The following ANKS1B variants were observed in gnomAD, a reference collection of about 807,000 sequenced individuals.
The protein encoded by ANKS1B is ankyrin repeat and sterile alpha motif domain containing 1B, also known as ankyrin repeat and sterile alpha motif domain-containing protein 1B.
In ANKS1B, 36 loss-of-function variants were observed where a neutral mutation model predicts 148.3. The ratio of observed to expected loss-of-function variants is 0.24; its 90% CI spans 0.19 to 0.32. The LOEUF (loss-of-function observed/expected upper bound fraction) is 0.32. Among genes scored for constraint, ANKS1B ranks in the 10% least tolerant of loss-of-function variants. The probability of loss-of-function intolerance (pLI) is 1.00; values close to 1 mark genes in which losing one functional copy is unlikely to be tolerated. For synonymous variants in ANKS1B, 542 were observed against 560.8 expected, an observed-to-expected ratio of 0.97 and a Z score of 0.47; for missense variants, 1,157 against 1,542.6, an observed-to-expected ratio of 0.75 and a Z score of 4.19.
At chr12:99,230,831 AATCT>A (rs2086718438) in intron 14 of ANKS1B, among the ~76,000 whole-genome samples, 1 of 152,136 alleles carries the variant, frequency 6.6e-6, no homozygotes, top group Non-Finnish European at 1.5e-5. Flanking sequence ...CCTTAGATTT[AATCT>A]ATCTGAAAAA....
chr12:99,144,424 T>C (rs1229686791), intron 15 of ANKS1B, among the ~76,000 whole-genome samples: 1 of 152,088 alleles, frequency 6.6e-6, no homozygotes, highest in Non-Finnish European at 1.5e-5. Context: ...GAATTCATCA[T>C]TGATGAAAGA....
At chr12:99,047,808 A>G (rs1169121532) in intron 17 of ANKS1B, among the ~76,000 whole-genome samples, 1 of 152,184 alleles carries the variant, frequency 6.6e-6, no homozygotes, top group Admixed American at 6.5e-5. Context: ...CTCACACTAT[A>G]GAATAATGTC....
intron 12 of ANKS1B, among the ~76,000 whole-genome samples, chr12:99,286,076 G>A (rs2079082938): frequency 6.6e-6 from 1 of 151,562 alleles, no homozygotes. Flanking sequence ...CCAACCACAG[G>A]GGCAAGGGAA....
chr12:98,984,837 C>T (rs1210528551), intron 17 of ANKS1B, among the ~76,000 whole-genome samples: 1 of 151,944 alleles, frequency 6.6e-6, no homozygotes, highest in Non-Finnish European at 1.5e-5. Flanking sequence ...TAGTGAGACC[C>T]CAACACTGCA....
intron 15 of ANKS1B, among the ~76,000 whole-genome samples, chr12:99,128,247 G>T (rs2064997354): frequency 6.6e-6 from 1 of 152,028 alleles, no homozygotes; most frequent in African/African-American, 2.4e-5. Context: ...ATGAAAACTG[G>T]TTAAAAACTA....
At chr12:99,550,623 C>CA (rs34087621) in intron 9 of ANKS1B, among the ~76,000 whole-genome samples, 50,230 of 133,952 alleles carry the variant, frequency 0.37, 10,890 homozygotes, top group African/African-American at 0.65. Context: ...AACTCTATCT[C>CA]AAAAAAAAAA....
At chr12:99,123,937 C>A (rs2063603404) in intron 15 of ANKS1B, among the ~76,000 whole-genome samples, 1 of 152,102 alleles carries the variant, frequency 6.6e-6, no homozygotes, top group South Asian at 2.1e-4. Flanking sequence ...AGTTGACACT[C>A]AATTGTAACC....
intron 17 of ANKS1B, among the ~76,000 whole-genome samples, chr12:99,041,564 G>C (rs2099958981): frequency 6.6e-6 from 1 of 152,052 alleles, no homozygotes; most frequent in Admixed American, 6.6e-5. Context: ...ACCCTATCCA[G>C]GTCATTTTTT....
At chr12:99,469,767 T>C (rs1398641714) in intron 10 of ANKS1B, among the ~76,000 whole-genome samples, 1 of 152,162 alleles carries the variant, frequency 6.6e-6, no homozygotes, top group Non-Finnish European at 1.5e-5. Flanking sequence ...TTTAAATGAT[T>C]AAATTGTTTG....
intron 12 of ANKS1B, among the ~76,000 whole-genome samples, chr12:99,266,665 T>G (rs1166089582): frequency 2.0e-5 from 3 of 152,182 alleles, no homozygotes; most frequent in Non-Finnish European, 4.4e-5. Context: ...AGTGGGTTAT[T>G]TAATTTATTT....
chr12:98,848,427 GTAAT>G (rs1401567089), intron 17 of ANKS1B, among the ~76,000 whole-genome samples: 2 of 152,040 alleles, frequency 1.3e-5, no homozygotes, highest in South Asian at 2.1e-4. Context: ...CATGAAATGT[GTAAT>G]TAATGATGAA....
chr12:99,739,377 C>T (rs1180926272), intron 8 of ANKS1B, among the ~76,000 whole-genome samples: 1 of 117,046 alleles, frequency 8.5e-6, no homozygotes, highest in Admixed American at 9.4e-5. Flanking sequence ...GTACTCAAAG[C>T]TAAAAAAAAA....
At chr12:99,698,538 T>C (rs1331415557) in intron 8 of ANKS1B, among the ~76,000 whole-genome samples, 2 of 152,114 alleles carry the variant, frequency 1.3e-5, no homozygotes, top group African/African-American at 2.4e-5. Context: ...AGACAGAATT[T>C]GTGGCTGAAG....
At chr12:99,171,328 T>C (rs1481421753) in intron 14 of ANKS1B, among the ~76,000 whole-genome samples, 1 of 152,172 alleles carries the variant, frequency 6.6e-6, no homozygotes. Flanking sequence ...TGCTTCCTCC[T>C]GATAAAAGGA....
At position 99,894,851 on chromosome 12, in the gene ANKS1B, G is replaced by A. The variant is rs569918118; in HGVS notation, c.135-69462C>T. On this transcript the variant is annotated intron_variant, in intron 1 of 26. Coordinates refer to ENST00000683438, the MANE Select transcript of ANKS1B (RefSeq NM_001352186.2). ...CAATTTATTATAAAATAGGCTTTGT[G>A]TTAGATGATTTTGGCTAATGTAAGA... 4.0e-5 allele frequency among the ~76,000 whole-genome samples: 6 copies of A among 149,994 alleles called. No homozygotes were observed. In the South Asian group the frequency reaches 1.3e-3, roughly 32 times the overall value.
At chr12:99,728,082 T>C (rs560701928) in intron 8 of ANKS1B, among the ~76,000 whole-genome samples, 1 of 152,268 alleles carries the variant, frequency 6.6e-6, no homozygotes, top group African/African-American at 2.4e-5. Context: ...GGCAAAGACT[T>C]CATGATGAAA....
At chr12:99,718,443 C>T (rs2057695518) in intron 8 of ANKS1B, among the ~76,000 whole-genome samples, 1 of 152,116 alleles carries the variant, frequency 6.6e-6, no homozygotes, top group East Asian at 1.9e-4. Context: ...CACCCCTCAC[C>T]ATCTCACTAA....
intron 12 of ANKS1B, among the ~76,000 whole-genome samples, chr12:99,372,871 C>A (rs936528229): frequency 1.4e-4 from 22 of 152,110 alleles, no homozygotes; most frequent in African/African-American, 5.1e-4. Flanking sequence ...CTCATCTGCA[C>A]TCCCTCATAA....
chr12:99,126,780 AT>A (rs1315278484), intron 15 of ANKS1B, among the ~76,000 whole-genome samples: 2 of 152,104 alleles, frequency 1.3e-5, no homozygotes, highest in Non-Finnish European at 1.5e-5. Flanking sequence ...TGATTTCCTT[AT>A]TTCTAAAAAC....
Sources: allele counts gnomAD v4.1 joint callset (sites outside exome capture counted in the v4.1 genomes callset), GRCh38; gene constraint gnomAD v4.1.1; transcripts MANE v1.5; gene names NCBI Gene and HGNC (gene_info 2026-07-23, HGNC 2026-07-21).